The following CEMIP variants were observed in gnomAD, a reference collection of about 807,000 sequenced individuals.
The protein encoded by CEMIP is cell migration inducing hyaluronidase 1, also known as cell migration-inducing and hyaluronan-binding protein.
CEMIP carries 105 observed loss-of-function variants against 156.9 expected under a neutral mutation model. That is an observed-to-expected ratio of 0.67 (90% confidence interval 0.57 to 0.79). The LOEUF is 0.79. Among genes scored for constraint, CEMIP ranks in the 30% least tolerant of loss-of-function variants. The probability of loss-of-function intolerance (pLI) is 0.00; values close to 1 mark genes in which losing one functional copy is unlikely to be tolerated. For synonymous variants in CEMIP, 676 were observed against 668.4 expected, an observed-to-expected ratio of 1.01 and a Z score of -0.17; for missense variants, 1,457 against 1,769.4, an observed-to-expected ratio of 0.82 and a Z score of 3.17.
chr15:80,930,016 C>T (rs1480388416), intron 21 of CEMIP, among the ~76,000 whole-genome samples: 2 of 152,208 alleles, frequency 1.3e-5, no homozygotes, highest in African/African-American at 4.8e-5. Context: ...TGAATTCAAG[C>T]CAGAGAGCAA....
chr15:80,844,123 C>T (rs533309091), intron 1 of CEMIP, among the ~76,000 whole-genome samples: 3 of 152,376 alleles, frequency 2.0e-5, no homozygotes, highest in African/African-American at 7.2e-5. Context: ...ACCCAGCCAT[C>T]GCTCAGGCGG....
rs571176022 is a variant in CEMIP, at chr15:80,951,707, C to T, written c.*2783C>T. 6.5e-6 allele frequency: 1 copy of T among 153,136 alleles called. No individual in the cohort carries two copies. Among genetic ancestry groups the T allele is most frequent in the South Asian group, 2.1e-4 (1 of 4,862 alleles). 9.5% of individuals were successfully genotyped at this position (153,136 alleles called of 1,614,324 possible). Reference sequence around the variant, plus strand: ...TGCTTGGAAGGGGTGTACCTAGAGCCAAGGAAATTGGCTCTGGTTTGGAAA... The same window carrying T: ...TGCTTGGAAGGGGTGTACCTAGAGCTAAGGAAATTGGCTCTGGTTTGGAAA... On this transcript the variant is annotated 3_prime_UTR_variant, in exon 30 of 30. Transcript: ENST00000394685.
At position 80,949,794 on chromosome 15, in the gene CEMIP, G is replaced by T. The variant is rs1901739371; in HGVS notation, c.*870G>T. 1 of 152,306 alleles carries T rather than the reference G, an allele frequency of 6.6e-6. No homozygotes were observed. The highest frequency in any genetic ancestry group is 2.1e-4 in the South Asian group (1 of 4,834). 9.4% of individuals were successfully genotyped at this position (152,306 alleles called of 1,614,324 possible). On this transcript the variant is annotated 3_prime_UTR_variant, in exon 30 of 30. Coordinates refer to ENST00000394685, the MANE Select transcript of CEMIP (RefSeq NM_001293298.2). ...AATGGAGGCCAGTGCCATTTCAGAG[G>T]GGAGGCTCAGGAAGGCTTCTTGCTT...
chr15:80,895,966 G>A lies in CEMIP; in HGVS notation c.1317G>A (p.Leu439=), dbSNP rs1899204928. Residue 439 remains leucine (L), a synonymous_variant, in exon 12 of 30, where the codon CTG becomes CTA. Coordinates refer to ENST00000394685, the MANE Select transcript of CEMIP (RefSeq NM_001293298.2). ...AGTCATGGAAACCTGGAGATACCCT[G>A]GTCATTGCCAGTACTGATTACTCCA... The part of the protein sequence containing the change: ...NVQSWKPGDT[L]VIASTDYSMY... The A allele has an allele frequency of 6.2e-7, 1 of 1,614,146 alleles. No individual in the cohort carries two copies. Among genetic ancestry groups the A allele is most frequent in the Non-Finnish European group, 8.5e-7 (1 of 1,180,014 alleles).
chr15:80,893,349 A>C (rs1243524389), intron 10 of CEMIP, among the ~76,000 whole-genome samples: 1 of 151,960 alleles, frequency 6.6e-6, no homozygotes, highest in African/African-American at 2.4e-5. Flanking sequence ...GATTCCTTTT[A>C]CTCTTCTTAT....
At chr15:80,870,083 G>A (rs992801005) in intron 1 of CEMIP, among the ~76,000 whole-genome samples, 2 of 152,190 alleles carry the variant, frequency 1.3e-5, no homozygotes, top group African/African-American at 4.8e-5. Flanking sequence ...ACTTTTAAAT[G>A]GGGTACAAGT....
At chr15:80,920,984 C>A (rs1264658541) in intron 15 of CEMIP, 48 bp from the exon 16 acceptor site, 1 of 1,533,120 alleles carries the variant, frequency 6.5e-7, no homozygotes. Flanking sequence ...GCAGGATGAC[C>A]CCTGGCGGCC....
At chr15:80,915,223 T>G (rs1222018540) in intron 14 of CEMIP, among the ~76,000 whole-genome samples, 2 of 152,258 alleles carry the variant, frequency 1.3e-5, no homozygotes, top group African/African-American at 4.8e-5. Flanking sequence ...AATTTGTTAG[T>G]CCTACAAAAG....
chr15:80,834,035 G>A lies in CEMIP; in HGVS notation c.-175-39503G>A, dbSNP rs935706255. On this transcript the variant is annotated intron_variant, in intron 1 of 29. Transcript: ENST00000394685. ...GTTTTGGCGGGCTATTCTGTGCATT[G>A]TAGGGTGTTTAGTGGCACCCTTGGC... Among the ~76,000 whole-genome samples, 5 of 152,262 alleles carry A rather than the reference G, an allele frequency of 3.3e-5. No individual in the cohort carries two copies. In the East Asian group the frequency reaches 9.7e-4, roughly 29 times the overall value.
chr15:80,880,938 T>C lies in CEMIP; in HGVS notation c.419T>C (p.Leu140Pro), dbSNP rs1157014243. The C allele has an allele frequency of 6.2e-7, 1 of 1,614,120 alleles. No homozygotes were observed. The highest frequency in any genetic ancestry group is 1.3e-5 in the African/African-American group (1 of 74,938). ...ATTCAGCCGGATCCTTACTATGGTC[T>C]GAAGTACATTGGGGTTGGTAAAGGA... ...EGIQPDPYYG[L>P]KYIGVGKGGA... is the part of the protein sequence containing the mutation. The change falls in exon 6 of 30, where the codon CTG becomes CCG. Residue 140 changes from leucine to proline, a missense_variant. Physicochemically the swap from Leu to Pro is moderately conservative, Grantham distance 98. Around this residue, in one of 5 missense-constraint regions of CEMIP, gnomAD observed 309 missense variants for 340.8 expected, o/e 0.91. Coordinates refer to ENST00000394685, the MANE Select transcript of CEMIP (RefSeq NM_001293298.2).
rs1462104589 is a variant in CEMIP, at chr15:80,906,793, C to T, written c.1542C>T (p.His514=). Residue 514 remains histidine (H), a synonymous_variant, in exon 13 of 30, where the codon CAC becomes CAT. Transcript: ENST00000394685. The surrounding 1 kb of genome is among the most constrained non-coding windows in gnomAD (Gnocchi z 4.3). ...MEDKCYPYRN[H]ICNFFDFDTF... ...ACAAATGCTACCCCTACAGAAACCA[C>T]ATCTGCAATTTCTTTGACTTCGATA... 4 of 1,614,210 alleles carry T rather than the reference C, an allele frequency of 2.5e-6. No individual in the cohort carries two copies. The highest frequency in any genetic ancestry group is 2.2e-5 in the East Asian group (1 of 44,886).
chr15:80,824,363 G>A (rs1269837554), intron 1 of CEMIP, among the ~76,000 whole-genome samples: 1 of 152,136 alleles, frequency 6.6e-6, no homozygotes, highest in Non-Finnish European at 1.5e-5. Context: ...TTTCTTGTTT[G>A]GGCCTCAGAT....
chr15:80,932,120 G>A lies in CEMIP; in HGVS notation c.2793+81G>A. The A allele has an allele frequency of 1.3e-6, 2 of 1,523,870 alleles. No individual in the cohort carries two copies. Among genetic ancestry groups the A allele is most frequent in the South Asian group, 1.1e-5 (1 of 89,070 alleles). 94.4% of individuals were successfully genotyped at this position (1,523,870 alleles called of 1,614,324 possible). ...ACAAGTCCCCTGGGTCCCAGAGTTT[G>A]AGCTATTGCCACCACCGCAGGGGTT... is the stretch of plus-strand genomic sequence containing the variant. On this transcript the variant is annotated intron_variant, in intron 22 of 29. Coordinates refer to ENST00000394685, the MANE Select transcript of CEMIP (RefSeq NM_001293298.2). This position sits in a 1 kb window ranked among gnomAD's most constrained non-coding sequence, Gnocchi z 4.5.
intron 1 of CEMIP, among the ~76,000 whole-genome samples, chr15:80,856,893 C>T (rs931235134): frequency 6.6e-6 from 1 of 152,152 alleles, no homozygotes; most frequent in African/African-American, 2.4e-5. Flanking sequence ...GTGCAGGGAT[C>T]CAGGTAACTG....
chr15:80,841,792 T>C (rs1053030332), intron 1 of CEMIP, among the ~76,000 whole-genome samples: 1 of 152,124 alleles, frequency 6.6e-6, no homozygotes, highest in Non-Finnish European at 1.5e-5. Flanking sequence ...AATAGCAACA[T>C]TGCATATGGG....
In CEMIP at chr15:80,931,904, C is replaced by G. The variant is rs1192450072; in HGVS notation, c.2658C>G (p.Asn886Lys). The G allele has an allele frequency of 1.9e-6, 3 of 1,614,240 alleles. No homozygotes were observed. Among genetic ancestry groups the G allele is most frequent in the Non-Finnish European group, 2.5e-6 (3 of 1,180,040 alleles). ...TTCAGTTATATGATGGCCCCATCAA[C>G]ATCCAAAACTGCACTTTCCGAAAGT... ...RGIQLYDGPINIQNCTFRKFV... is the reference protein window; with the variant it reads ...RGIQLYDGPIKIQNCTFRKFV... The change falls in exon 22 of 30, where the codon AAC (asparagine) becomes AAG (lysine). Residue 886 changes from asparagine (N) to lysine (K), a missense_variant. By Grantham distance (94) the Asn-to-Lys change is moderately conservative. This residue lies in a region of CEMIP where 798 missense variants were observed against 980.1 expected (regional missense o/e 0.81). Coordinates refer to ENST00000394685, the MANE Select transcript of CEMIP (RefSeq NM_001293298.2).
intron 1 of CEMIP, among the ~76,000 whole-genome samples, chr15:80,872,073 C>A (rs1898312994): frequency 6.6e-6 from 1 of 152,212 alleles, no homozygotes; most frequent in African/African-American, 2.4e-5. Context: ...GCCCAGTGTG[C>A]TCCTTTCAGT....
intron 14 of CEMIP, among the ~76,000 whole-genome samples, chr15:80,913,097 T>C (rs1354366777): frequency 6.6e-6 from 1 of 152,152 alleles, no homozygotes; most frequent in African/African-American, 2.4e-5. Context: ...AGTGTCCTGG[T>C]AGCCCCTAGC....
At chr15:80,848,288 A>C (rs530926223) in intron 1 of CEMIP, among the ~76,000 whole-genome samples, 2 of 152,300 alleles carry the variant, frequency 1.3e-5, no homozygotes, top group African/African-American at 4.8e-5. Context: ...CCTATAGGGA[A>C]GCCACTCACG....
Sources: allele counts gnomAD v4.1 joint callset (sites outside exome capture counted in the v4.1 genomes callset), GRCh38; gene constraint gnomAD v4.1.1; regional missense constraint gnomAD v4.1.1; non-coding constraint Gnocchi (gnomAD v3.1); transcripts MANE v1.5; gene names NCBI Gene and HGNC (gene_info 2026-07-23, HGNC 2026-07-21).